Variants in MYT1 observed in about 807,000 individuals in gnomAD.
MYT1 encodes myelin transcription factor 1.
A neutral mutation model predicts 123.0 loss-of-function variants in MYT1; 23 were observed. The observed-to-expected ratio is 0.19, with a 90% CI of 0.13 to 0.26. MYT1 has a LOEUF of 0.26. Among genes scored for constraint, MYT1 ranks in the 10% least tolerant of loss-of-function variants. The pLI, the probability that MYT1 is intolerant of heterozygous loss-of-function variation, is 1.00. For missense variants in MYT1, 1,125 were observed against 1,472.5 expected (o/e 0.76, Z 3.86); for synonymous variants, 518 against 575.3 (o/e 0.90, Z 1.43).
Position 64,233,857 on chromosome 20 carries a change from GC to G in MYT1, c.2897+1473del, listed in dbSNP as rs1213755847. The stretch of plus-strand genomic sequence containing the variant: ...TGGCCCGCTGGACAAGGTTGGAGGT[GC>G]TGAGGGCCTGGAGCCAGGGAGAGGG... On this transcript the variant is annotated intron_variant, in intron 19 of 22. Transcript: ENST00000328439. 5.3e-5 allele frequency among the ~76,000 whole-genome samples: 8 copies of G among 152,252 alleles called. No homozygotes were observed. The East Asian group carries it at 1.2e-3, about 22-fold the overall frequency.
chr20:64,169,905 G>A (rs1331134645), intron 1 of MYT1, among the ~76,000 whole-genome samples: 1 of 152,184 alleles, frequency 6.6e-6, no homozygotes, highest in Non-Finnish European at 1.5e-5. Context: ...CTTCCCAGGT[G>A]AGTGGTGTAG....
At chr20:64,178,862 ACC>A (rs1982554068) in intron 1 of MYT1, among the ~76,000 whole-genome samples, 1 of 103,002 alleles carries the variant, frequency 9.7e-6, no homozygotes, top group Non-Finnish European at 1.9e-5. Flanking sequence ...TCGGTGGGAT[ACC>A]CTTCAACGTG....
chr20:64,236,766 C>G (rs1242954189), intron 20 of MYT1, 120 bp downstream of exon 20: 4 of 823,554 alleles, frequency 4.9e-6, no homozygotes, highest in Non-Finnish European at 8.0e-6. Flanking sequence ...TGGAATGAGT[C>G]ACGGCAGAGG....
At chr20:64,229,804 G>T (rs907001233) in intron 18 of MYT1, among the ~76,000 whole-genome samples, 1 of 152,196 alleles carries the variant, frequency 6.6e-6, no homozygotes, top group Non-Finnish European at 1.5e-5. Context: ...GCGCTTGGTG[G>T]TAAATCCCTT....
At chr20:64,180,463 C>A (rs1601701715) in intron 1 of MYT1, among the ~76,000 whole-genome samples, 2 of 152,238 alleles carry the variant, frequency 1.3e-5, no homozygotes, top group African/African-American at 4.8e-5. Context: ...TACCAGCACC[C>A]TCCTTACTCC....
chr20:64,240,044 C>A, intron 22 of MYT1, 141 bp downstream of exon 22: 1 of 1,298,158 alleles, frequency 7.7e-7, no homozygotes, highest in Non-Finnish European at 1.1e-6. Context: ...TTCTCTCCAC[C>A]CCGAATGGCC....
At chr20:64,229,667 G>A (rs921779509) in intron 18 of MYT1, among the ~76,000 whole-genome samples, 5 of 152,212 alleles carry the variant, frequency 3.3e-5, no homozygotes, top group Non-Finnish European at 7.3e-5. Flanking sequence ...TGGAATGGAT[G>A]TGTCAGGTCA....
At chr20:64,216,782 C>G (rs1445386763) in intron 10 of MYT1, among the ~76,000 whole-genome samples, 2 of 152,232 alleles carry the variant, frequency 1.3e-5, no homozygotes, top group Non-Finnish European at 2.9e-5. Context: ...AGGCCCTCCT[C>G]TATCTGATGC....
chr20:64,205,559 G>A lies in MYT1; in HGVS notation c.156G>A (p.Gln52=), dbSNP rs142931701. The change falls in exon 6 of 23, where the codon CAG becomes CAA. Residue 52 remains glutamine, a synonymous_variant. Coordinates refer to ENST00000328439, the MANE Select transcript of MYT1 (RefSeq NM_004535.3). ...GCCTACTCCTCCCTCCCAGTTTACA[G>A]AGCTGCCCCCTGGCCAAGAAGAGGA... ...RGKYSRHRSL[Q]SCPLAKKRKL... is the part of the protein sequence containing the mutation. 6.2e-7 allele frequency: 1 copy of A among 1,613,916 alleles called. No individual in the cohort carries two copies. Among genetic ancestry groups the A allele is most frequent in the Admixed American group, 1.7e-5 (1 of 60,000 alleles).
At chr20:64,237,621 G>A (rs912596989) in intron 21 of MYT1, among the ~76,000 whole-genome samples, 5 of 152,290 alleles carry the variant, frequency 3.3e-5, no homozygotes, top group South Asian at 4.1e-4. Flanking sequence ...TGGTTGTCCC[G>A]CCAGGGCTGT....
chr20:64,239,170 C>T (rs1022500137), intron 21 of MYT1, among the ~76,000 whole-genome samples: 36 of 152,342 alleles, frequency 2.4e-4, no homozygotes, highest in Admixed American at 1.3e-3. Context: ...GCAGGTTCAC[C>T]GCCATGGTGG....
chr20:64,173,668 T>C, intron 1 of MYT1, among the ~76,000 whole-genome samples: 1 of 149,414 alleles, frequency 6.7e-6, no homozygotes, highest in East Asian at 2.0e-4. Flanking sequence ...CCATTTCCCC[T>C]CCCTGGCTTC....
At position 64,236,535 on chromosome 20, in the gene MYT1, T is replaced by C. The variant is rs375921100; in HGVS notation, c.2898-20T>C. The C allele has an allele frequency of 2.3e-5, 37 of 1,606,434 alleles. No homozygotes were observed. In the African/African-American group the frequency reaches 4.8e-4, roughly 21 times the overall value. ...TGGGTGACCCTGGGCTGGTGAATGA[T>C]ATGTGGCCTCTGCTTCCAGTTTGTC... On this transcript the variant is annotated intron_variant, in intron 19 of 22. Coordinates refer to ENST00000328439, the MANE Select transcript of MYT1 (RefSeq NM_004535.3).
chr20:64,165,615 G>C (rs1463737823), intron 1 of MYT1, among the ~76,000 whole-genome samples: 2 of 152,130 alleles, frequency 1.3e-5, no homozygotes, highest in African/African-American at 2.4e-5. Context: ...CAAGGGCTTT[G>C]CTTGTCTCAG....
At chr20:64,216,099 G>A (rs959983114) in intron 10 of MYT1, among the ~76,000 whole-genome samples, 30 of 152,170 alleles carry the variant, frequency 2.0e-4, no homozygotes, top group Admixed American at 1.7e-3. Context: ...TCTGTGCTGG[G>A]CTCTGTTCTT....
rs995066664 is a variant in MYT1, at chr20:64,188,900, G to A, written c.-98-1163G>A. 2.5e-4 allele frequency among the ~76,000 whole-genome samples: 38 copies of A among 152,240 alleles called. 1 individual carries two copies. Among genetic ancestry groups the A allele is most frequent in the South Asian group, 2.1e-4 (1 of 4,836 alleles). The stretch of plus-strand genomic sequence containing the variant: ...CAATGAGGGGAGGCACAGAGTAGGT[G>A]CACACAGTAGGTGCCGAATCTGAGT... On this transcript the variant is annotated intron_variant, in intron 1 of 22. Transcript: ENST00000328439.
chr20:64,217,080 G>A lies in MYT1; in HGVS notation c.1645G>A (p.Val549Met), dbSNP rs755177120. 29 of 1,613,630 alleles carry A rather than the reference G, an allele frequency of 1.8e-5. No homozygotes were observed. The highest frequency in any genetic ancestry group is 2.7e-5 in the African/African-American group (2 of 75,060). The change falls in exon 11 of 23, where the codon GTG becomes ATG. Residue 549 changes from valine (V) to methionine (M), a missense_variant. Physicochemically the swap from Val to Met is conservative, Grantham distance 21. Coordinates refer to ENST00000328439, the MANE Select transcript of MYT1 (RefSeq NM_004535.3). ...SDRILRPMCFVKQLEVPPYGS... is the reference protein window; with the variant it reads ...SDRILRPMCFMKQLEVPPYGS... ...ACTGCACCCCAGGCCCATGTGCTTC[G>A]TGAAGCAGCTCGAGGTCCCTCCATA...
chr20:64,169,423 G>T (rs895051652), intron 1 of MYT1, among the ~76,000 whole-genome samples: 1 of 152,330 alleles, frequency 6.6e-6, no homozygotes, highest in East Asian at 1.9e-4. Flanking sequence ...AAAATCAAAT[G>T]GCTTTAGCAG....
In MYT1 at chr20:64,239,796, G is replaced by C; in HGVS notation, c.3130G>C (p.Glu1044Gln). The C allele has an allele frequency of 1.2e-6, 2 of 1,614,002 alleles. No homozygotes were observed. Reference sequence around the variant, plus strand: ...GGAGAAGAACCTGAAGAACATCGAGGAGGAGAACAAGCTCATTGAGGAGCA... The same window carrying C: ...GGAGAAGAACCTGAAGAACATCGAGCAGGAGAACAAGCTCATTGAGGAGCA... ...SMEKNLKNIE[E>Q]ENKLIEEQNE... is the part of the protein sequence containing the mutation. Residue 1044 changes from glutamate to glutamine, a missense_variant, in exon 22 of 23, where the codon GAG becomes CAG. Around this residue, in one of 4 missense-constraint regions of MYT1, gnomAD observed 243 missense variants for 323.1 expected, o/e 0.75. Coordinates refer to ENST00000328439, the MANE Select transcript of MYT1 (RefSeq NM_004535.3).
Sources: allele counts gnomAD v4.1 joint callset (sites outside exome capture counted in the v4.1 genomes callset), GRCh38; gene constraint gnomAD v4.1.1; regional missense constraint gnomAD v4.1.1; transcripts MANE v1.5; gene names NCBI Gene and HGNC (gene_info 2026-07-23, HGNC 2026-07-21).